The following DLGAP1 variants were observed in gnomAD, a reference collection of about 807,000 sequenced individuals.
DLGAP1 encodes the protein DLG associated protein 1.
DLGAP1 carries 11 observed loss-of-function variants against 90.8 expected under a neutral mutation model. That is an observed-to-expected ratio of 0.12 (90% CI 0.08 to 0.20). The LOEUF (loss-of-function observed/expected upper bound fraction) is 0.20, where lower values mean the gene tolerates loss of function less well. DLGAP1 is among the 10% of genes least tolerant of loss of function. The pLI is 1.00. For missense variants in DLGAP1, 1,050 were observed against 1,333.8 expected (o/e 0.79, Z 3.31); for synonymous variants, 558 against 540.7 (o/e 1.03, Z -0.44).
chr18:3,526,449 C>T lies in DLGAP1; in HGVS notation c.2479+7745G>A, dbSNP rs1226755773. 2.0e-5 allele frequency among the ~76,000 whole-genome samples: 3 copies of T among 152,212 alleles called. No homozygotes were observed. The highest frequency in any genetic ancestry group is 2.9e-5 in the Non-Finnish European group (2 of 68,040). ...CAGGTGTCATTACCAGCCCCGCATT[C>T]GCTGCCAAGGGTCCCAAGCCTTCTA... On this transcript the variant is annotated intron_variant, in intron 10 of 12. Transcript: ENST00000315677. This position sits in a 1 kb window ranked among gnomAD's most constrained non-coding sequence, Gnocchi z 4.7.
chr18:4,267,741 A>G (rs2079162226), intron 1 of DLGAP1, among the ~76,000 whole-genome samples: 1 of 152,202 alleles, frequency 6.6e-6, no homozygotes, highest in Admixed American at 6.5e-5. Flanking sequence ...CTGGGGCTGC[A>G]GTCATCTGAC....
rs531404516 is a variant in DLGAP1, at chr18:3,629,489, C to G, written c.1592-47241G>C. 9.2e-4 allele frequency among the ~76,000 whole-genome samples: 139 copies of G among 151,892 alleles called. 1 individual carries two copies. Among genetic ancestry groups the G allele is most frequent in the African/African-American group, 2.6e-3 (109 of 41,436 alleles). On this transcript the variant is annotated intron_variant, in intron 7 of 12. Transcript: ENST00000315677. ...GATCGAGACCATCCTGGCTAACACG[C>G]TGAAACCCTGTCTCTACTAAAAATA...
chr18:3,502,257 C>A, intron 12 of DLGAP1: 3 of 1,341,606 alleles, frequency 2.2e-6, no homozygotes, highest in Non-Finnish European at 2.9e-6. Flanking sequence ...CAAAAAAAGC[C>A]ACATTCCCAT....
rs552291580 is a variant in DLGAP1 at position 3,832,199 on chromosome 18, C to T, written c.958-17926G>A. ...TGACTGGAATTCAGTCTTTAGTATC[C>T]TCTCTCTGTCACACACACATGAACG... On this transcript the variant is annotated intron_variant, in intron 4 of 12. Coordinates refer to ENST00000315677, the MANE Select transcript of DLGAP1 (RefSeq NM_004746.4). 9.8e-5 allele frequency among the ~76,000 whole-genome samples: 15 copies of T among 152,302 alleles called. No homozygotes were observed. In the South Asian group the frequency reaches 2.9e-3, roughly 29 times the overall value.
intron 1 of DLGAP1, among the ~76,000 whole-genome samples, chr18:4,405,507 G>A (rs527900892): frequency 3.0e-4 from 45 of 152,002 alleles, no homozygotes; most frequent in African/African-American, 1.0e-3. Context: ...TTTTCAAAGT[G>A]CCATTTTTTT....
chr18:4,053,700 A>G (rs1473750252), intron 2 of DLGAP1, among the ~76,000 whole-genome samples: 1 of 152,176 alleles, frequency 6.6e-6, no homozygotes, highest in Non-Finnish European at 1.5e-5. Flanking sequence ...TTTCCTGTAC[A>G]GCCTGCAGAA....
Position 3,729,412 on chromosome 18 carries a change from ACCTGGTGGAGGAT to A in DLGAP1, c.1351-50_1351-38del. On this transcript the variant is annotated intron_variant, in intron 6 of 12. Coordinates refer to ENST00000315677, the MANE Select transcript of DLGAP1 (RefSeq NM_004746.4). This position sits in a 1 kb window ranked among gnomAD's most constrained non-coding sequence, Gnocchi z 6.2. ...CACAGGCGTTGTGACACTCGCCTCC[ACCTGGTGGAGGAT>A]CAACCTCTCCAAGCATCTGCGAACT... 4.4e-6 allele frequency: 7 copies of A among 1,588,726 alleles called. No individual in the cohort carries two copies. In the South Asian group the frequency reaches 7.9e-5, roughly 18 times the overall value.
At chr18:4,134,677 T>C (rs1230341673) in intron 2 of DLGAP1, among the ~76,000 whole-genome samples, 1 of 152,140 alleles carries the variant, frequency 6.6e-6, no homozygotes, top group Non-Finnish European at 1.5e-5. Context: ...CCAAAGGAGA[T>C]TAAAATGCCC....
chr18:4,342,421 A>G lies in DLGAP1; in HGVS notation c.-267+112585T>C, dbSNP rs2081210707. 2.0e-5 allele frequency among the ~76,000 whole-genome samples: 3 copies of G among 152,216 alleles called. No homozygotes were observed. In the South Asian group the frequency reaches 6.2e-4, roughly 31 times the overall value. ...AAAAATTGGAAAGGAAATATCTTGC[A>G]CTACTAAGACTAAATGGTTTTAAAA... On this transcript the variant is annotated intron_variant, in intron 1 of 12. Transcript: ENST00000315677. The surrounding 1 kb of genome is among the most constrained non-coding windows in gnomAD (Gnocchi z 5.8).
intron 1 of DLGAP1, among the ~76,000 whole-genome samples, chr18:4,292,767 T>C (rs1443294824): frequency 2.0e-5 from 3 of 152,104 alleles, no homozygotes; most frequent in African/African-American, 7.2e-5. Context: ...CCCTGGGAAA[T>C]AGAAATCAGA....
chr18:4,155,678 A>C (rs1223702354), intron 1 of DLGAP1, among the ~76,000 whole-genome samples: 1 of 152,192 alleles, frequency 6.6e-6, no homozygotes, highest in East Asian at 1.9e-4. Context: ...TTATGAGCAA[A>C]GATGAGCTGT....
At chr18:3,740,033 G>A (rs2062834312) in intron 6 of DLGAP1, among the ~76,000 whole-genome samples, 1 of 152,146 alleles carries the variant, frequency 6.6e-6, no homozygotes, top group Non-Finnish European at 1.5e-5. Flanking sequence ...TGCAGCCAGG[G>A]ACTAAAAACA....
At chr18:4,206,517 A>T (rs954129683) in intron 1 of DLGAP1, among the ~76,000 whole-genome samples, 1 of 152,114 alleles carries the variant, frequency 6.6e-6, no homozygotes, top group Admixed American at 6.6e-5. Context: ...CATGGGAGGG[A>T]AAACTCCTCA....
intron 5 of DLGAP1, among the ~76,000 whole-genome samples, chr18:3,793,846 G>A (rs978075116): frequency 2.6e-5 from 4 of 152,036 alleles, no homozygotes; most frequent in African/African-American, 9.7e-5. Context: ...CACTTTCTCT[G>A]AACAGCACCT....
chr18:3,507,792 G>A (rs1054772810), intron 11 of DLGAP1, among the ~76,000 whole-genome samples: 6 of 128,360 alleles, frequency 4.7e-5, no homozygotes, highest in Non-Finnish European at 9.3e-5. Flanking sequence ...CCAAACTAGA[G>A]TGCAATGAAC....
chr18:4,133,547 A>G (rs1203992919), intron 2 of DLGAP1, among the ~76,000 whole-genome samples: 1 of 152,148 alleles, frequency 6.6e-6, no homozygotes, highest in Non-Finnish European at 1.5e-5. Flanking sequence ...ACATGGCCAC[A>G]GGAAGTATTA....
At chr18:3,590,207 G>C (rs1188968323) in intron 7 of DLGAP1, among the ~76,000 whole-genome samples, 1 of 152,098 alleles carries the variant, frequency 6.6e-6, no homozygotes, top group African/African-American at 2.4e-5. Flanking sequence ...ACTGTGCCTG[G>C]CCAAAAGGGC....
chr18:4,083,449 A>G (rs1598370577), intron 2 of DLGAP1, among the ~76,000 whole-genome samples: 1 of 152,200 alleles, frequency 6.6e-6, no homozygotes, highest in East Asian at 1.9e-4. Context: ...TAGAGAAAAC[A>G]TTTTGGTACA....
chr18:3,690,714 G>T (rs926974580), intron 7 of DLGAP1, among the ~76,000 whole-genome samples: 1 of 152,168 alleles, frequency 6.6e-6, no homozygotes, highest in Non-Finnish European at 1.5e-5. Context: ...CTTTAAAGGA[G>T]AAATTCCTTG....
Sources: gnomAD v4.1 joint callset for allele counts (sites outside exome capture counted in the v4.1 genomes callset) on GRCh38, gnomAD v4.1.1 for gene constraint, Gnocchi (gnomAD v3.1) non-coding constraint, MANE v1.5 for transcripts, NCBI Gene and HGNC (gene_info 2026-07-23, HGNC 2026-07-21) for gene names.